The following CFAP47 variants were observed in gnomAD, a reference collection of about 807,000 sequenced individuals.
The protein encoded by CFAP47 is cilia- and flagella-associated protein 47.
CFAP47 carries 29 observed loss-of-function variants against 148.1 expected under a neutral mutation model. That is an observed-to-expected ratio of 0.20 (90% confidence interval 0.15 to 0.27). The LOEUF is 0.27. Ranked by LOEUF, CFAP47 falls within the 10% of genes least tolerant of loss-of-function variation. The pLI, the probability that CFAP47 is intolerant of heterozygous loss-of-function variation, is 1.00. For missense variants in CFAP47, 1,872 were observed against 1,697.5 expected (o/e 1.10, Z -1.81); for synonymous variants, 664 against 577.3 (o/e 1.15, Z -2.15).
chrX:35,924,177 A>G (rs1250034637), intron 1 of CFAP47, among the ~76,000 whole-genome samples: 1 of 102,870 alleles, frequency 9.7e-6, no homozygotes, highest in African/African-American at 3.9e-5. Context: ...ATGTACATGT[A>G]TGCGTACATG....
chrX:36,303,908 T>C lies in CFAP47; in HGVS notation c.8030T>C (p.Val2677Ala). The C allele has an allele frequency of 8.8e-7, 1 of 1,142,580 alleles. No individual in the cohort carries two copies. Among genetic ancestry groups the C allele is most frequent in the Non-Finnish European group, 1.2e-6 (1 of 854,520 alleles). 94.2% of individuals were successfully genotyped at this position (1,142,580 alleles called of 1,213,427 possible). ...ACGCATGAAACCTTAAAATTGCAAGTAACAAACAGTAATCCTGAAAATTTT... is the reference window on the plus strand; with the variant it reads ...ACGCATGAAACCTTAAAATTGCAAGCAACAAACAGTAATCCTGAAAATTTT... ...NCTHETLKLQ[V>A]TNSNPENFVL... Residue 2677 changes from valine (V) to alanine (A), a missense_variant, in exon 54 of 64, where the codon GTA becomes GCA. Coordinates refer to ENST00000378653, the MANE Select transcript of CFAP47 (RefSeq NM_001304548.2).
At position 35,953,646 on chromosome X, in the gene CFAP47, T is replaced by C; in HGVS notation, c.1101T>C (p.Ala367=). The C allele has an allele frequency of 1.7e-5, 20 of 1,198,435 alleles. No homozygotes were observed. The highest frequency in any genetic ancestry group is 2.0e-5 in the Non-Finnish European group (18 of 884,585). The change falls in exon 7 of 64, where the codon GCT becomes GCC. Residue 367 remains alanine (A), a synonymous_variant. Transcript: ENST00000378653. ...DIGPSYRQDY[A]LFLRFESVGS... Reference sequence around the variant, plus strand: ...GACCTTCATACAGACAGGACTATGCTCTCTTTTTGAGATTTGAGTCCGTAG... The same window carrying C: ...GACCTTCATACAGACAGGACTATGCCCTCTTTTTGAGATTTGAGTCCGTAG...
At chrX:36,075,596 A>G (rs755283342) in intron 29 of CFAP47, among the ~76,000 whole-genome samples, 11 of 111,572 alleles carry the variant, frequency 9.9e-5, no homozygotes, top group Non-Finnish European at 3.8e-5. Flanking sequence ...ACATGCATAT[A>G]TTGTGTGATG....
At chrX:36,049,495 C>G (rs770564000) in intron 26 of CFAP47, among the ~76,000 whole-genome samples, 1 of 104,852 alleles carries the variant, frequency 9.5e-6, no homozygotes, top group East Asian at 2.9e-4. Flanking sequence ...CTCTCACACA[C>G]ACACACACAC....
intron 42 of CFAP47, among the ~76,000 whole-genome samples, chrX:36,196,170 A>T (rs1194361707): frequency 9.0e-6 from 1 of 111,234 alleles, no homozygotes; most frequent in Non-Finnish European, 1.9e-5. Context: ...ATTATTATAA[A>T]TTGTTCTATA....
intron 26 of CFAP47, among the ~76,000 whole-genome samples, chrX:36,050,690 C>T (rs918241138): frequency 8.9e-6 from 1 of 112,220 alleles, no homozygotes; most frequent in Non-Finnish European, 1.9e-5. Context: ...AAGTCAGCAG[C>T]ATAAATCTGC....
intron 3 of CFAP47, among the ~76,000 whole-genome samples, chrX:35,946,765 A>G (rs6632418): frequency 0.19 from 20,917 of 111,098 alleles, 1,672 homozygotes; most frequent in African/African-American, 0.29. Flanking sequence ...TGTTTATTTT[A>G]GCACCATGCT....
intron 33 of CFAP47, among the ~76,000 whole-genome samples, chrX:36,124,030 C>G (rs1249962520): frequency 9.0e-6 from 1 of 111,433 alleles, no homozygotes; most frequent in African/African-American, 3.3e-5. Context: ...TAGGACCTTC[C>G]TTTCATGGCA....
chrX:36,329,018 A>G (rs1309966642), intron 57 of CFAP47, among the ~76,000 whole-genome samples: 2 of 111,323 alleles, frequency 1.8e-5, no homozygotes, highest in African/African-American at 6.5e-5. Context: ...TATATAATTC[A>G]TACAAGCAAG....
intron 44 of CFAP47, among the ~76,000 whole-genome samples, chrX:36,201,925 T>C (rs781840934): frequency 2.7e-5 from 3 of 109,558 alleles, no homozygotes; most frequent in Non-Finnish European, 5.7e-5. Context: ...TGGTGTCAGA[T>C]AGCCAGACTG....
chrX:36,319,092 A>T (rs1941458636), intron 56 of CFAP47, 117 bp from the exon 57 acceptor site: 1 of 351,354 alleles, frequency 2.8e-6, no homozygotes, highest in Admixed American at 5.9e-5. Context: ...ACTTTGAAAG[A>T]TATTCATCTT....
At chrX:36,044,874 T>A (rs1937446759) in intron 25 of CFAP47, among the ~76,000 whole-genome samples, 1 of 112,355 alleles carries the variant, frequency 8.9e-6, no homozygotes, top group South Asian at 3.6e-4. Context: ...TTTTATTTCT[T>A]TTTCAGATTG....
At chrX:35,965,584 T>C (rs1376512806) in intron 8 of CFAP47, among the ~76,000 whole-genome samples, 1 of 111,813 alleles carries the variant, frequency 8.9e-6, no homozygotes, top group Non-Finnish European at 1.9e-5. Context: ...ATAACCTTCT[T>C]TTAGCCTTAA....
At chrX:36,383,319 A>T (rs1475933809) in intron 63 of CFAP47, among the ~76,000 whole-genome samples, 4 of 111,983 alleles carry the variant, frequency 3.6e-5, no homozygotes, top group Non-Finnish European at 5.6e-5. Flanking sequence ...CTGAATAAGG[A>T]TATAGATCCC....
chrX:36,001,242 C>T (rs145154820), intron 20 of CFAP47, among the ~76,000 whole-genome samples: 1,873 of 111,444 alleles, frequency 0.017, 44 homozygotes, highest in African/African-American at 0.058. Context: ...GTATTACTTA[C>T]GGACTCTTTG....
At chrX:35,984,870 G>A (rs1936693776) in intron 15 of CFAP47, among the ~76,000 whole-genome samples, 3 of 111,462 alleles carry the variant, frequency 2.7e-5, no homozygotes, top group Non-Finnish European at 5.6e-5. Flanking sequence ...TGTATGGTCA[G>A]TTTTAGAGTA....
At chrX:36,029,363 G>T (rs866213383) in intron 22 of CFAP47, among the ~76,000 whole-genome samples, 2 of 110,432 alleles carry the variant, frequency 1.8e-5, no homozygotes, top group Admixed American at 9.7e-5. Context: ...CCTTTTTGTT[G>T]TTTTTTAGTT....
At chrX:36,159,973 A>T (rs1342400179) in intron 38 of CFAP47, among the ~76,000 whole-genome samples, 1 of 112,051 alleles carries the variant, frequency 8.9e-6, no homozygotes, top group Non-Finnish European at 1.9e-5. Flanking sequence ...AATGGTTGTG[A>T]CATTATTGTG....
chrX:35,941,966 T>G (rs6632415), intron 3 of CFAP47, among the ~76,000 whole-genome samples: 20,562 of 110,195 alleles, frequency 0.19, 1,591 homozygotes, highest in African/African-American at 0.28. Context: ...TTTTCCAGAT[T>G]TAATTATTTC....
Sources: allele counts gnomAD v4.1 joint callset (sites outside exome capture counted in the v4.1 genomes callset), GRCh38; gene constraint gnomAD v4.1.1; transcripts MANE v1.5; gene names NCBI Gene and HGNC (gene_info 2026-07-23, HGNC 2026-07-21).